Variants in OR4K17 observed in about 807,000 individuals in gnomAD.
OR4K17 encodes the protein olfactory receptor 4K17.
For synonymous variants in OR4K17, 157 were observed against 132.8 expected, an observed-to-expected ratio of 1.18 and a Z score of -1.25; for missense variants, 480 against 366.3, an observed-to-expected ratio of 1.31 and a Z score of -2.53.
intron 1 of OR4K17, among the ~76,000 whole-genome samples, chr14:20,113,367 A>T (rs1314549244): frequency 6.6e-6 from 1 of 152,064 alleles, no homozygotes; most frequent in East Asian, 1.9e-4. Flanking sequence ...GCTAAAGTTC[A>T]GCCTTACTCT....
At chr14:20,113,789 C>T (rs1204572377) in intron 1 of OR4K17, among the ~76,000 whole-genome samples, 2 of 151,852 alleles carry the variant, frequency 1.3e-5, no homozygotes, top group Non-Finnish European at 2.9e-5. Flanking sequence ...CATTAATAGG[C>T]TGTGAATAGA....
chr14:20,113,467 G>A (rs1162345106), intron 1 of OR4K17, among the ~76,000 whole-genome samples: 2 of 151,954 alleles, frequency 1.3e-5, no homozygotes, highest in African/African-American at 4.8e-5. Flanking sequence ...TTAGTAGTAA[G>A]AATAGTAGCA....
At chr14:20,113,345 TG>T (rs1877921014) in intron 1 of OR4K17, among the ~76,000 whole-genome samples, 2 of 152,130 alleles carry the variant, frequency 1.3e-5, no homozygotes, top group East Asian at 3.9e-4. Flanking sequence ...TTCAAAAACT[TG>T]CAGTGATAAG....
chr14:20,118,666 C>T lies in OR4K17; in HGVS notation c.*228C>T, dbSNP rs556214929. On this transcript the variant is annotated 3_prime_UTR_variant, in exon 2 of 2. Coordinates refer to ENST00000641386, the MANE Select transcript of OR4K17 (RefSeq NM_001004715.5). ...ACATGTCAGCGGGTTCCGTGATGCC[C>T]CCCAAGCTGCAAAACCAGCAAGTTT... The T allele has an allele frequency of 8.7e-6, 3 of 345,452 alleles. No homozygotes were observed. Among genetic ancestry groups the T allele is most frequent in the Non-Finnish European group, 1.6e-5 (3 of 190,178 alleles). The allele number at this position is 345,452 out of a possible 1,614,324, so 21.4% of individuals were successfully genotyped here.
intron 1 of OR4K17, 160 bp from the exon 2 acceptor site, chr14:20,117,308 A>G (rs1348864778): frequency 8.7e-6 from 7 of 808,750 alleles, no homozygotes; most frequent in Non-Finnish European, 1.4e-5. Flanking sequence ...GACAGCTCAG[A>G]CTATACGTCT....
Position 20,121,256 on chromosome 14 carries a change from A to G in OR4K17, c.*2818A>G, listed in dbSNP as rs1271419773. 1 of 152,202 alleles carries G rather than the reference A, an allele frequency of 6.6e-6. No individual in the cohort carries two copies. The highest frequency in any genetic ancestry group is 1.5e-5 in the Non-Finnish European group (1 of 68,028). The allele number at this position is 152,202 out of a possible 1,614,324, so 9.4% of individuals were successfully genotyped here. Reference sequence around the variant, plus strand: ...TTTTCCAGTATCTGTCTCCAAAGAAACAGAGACCTATGAACTCCCAGACAA... The same window carrying G: ...TTTTCCAGTATCTGTCTCCAAAGAAGCAGAGACCTATGAACTCCCAGACAA... On this transcript the variant is annotated 3_prime_UTR_variant, in exon 2 of 2. Coordinates refer to ENST00000641386, the MANE Select transcript of OR4K17 (RefSeq NM_001004715.5).
At chr14:20,113,390 C>G (rs927907567) in intron 1 of OR4K17, among the ~76,000 whole-genome samples, 1 of 151,704 alleles carries the variant, frequency 6.6e-6, no homozygotes, top group East Asian at 1.9e-4. Context: ...GGTCATGGAC[C>G]CTTAATTTGG....
In OR4K17 at chr14:20,117,875, A is replaced by T. The variant is rs776296838; in HGVS notation, c.376A>T (p.Ile126Phe). 1 of 1,614,018 alleles carries T rather than the reference A, an allele frequency of 6.2e-7. No individual in the cohort carries two copies. The highest frequency in any genetic ancestry group is 1.1e-5 in the South Asian group (1 of 91,070). ...CATGGCTTTTGACAGATATGTGGCC[A>T]TTTGTAAGCCCCTACACTACATGAC... is the stretch of plus-strand genomic sequence containing the variant. ...VSMAFDRYVAICKPLHYMTIM... is the reference protein window; with the variant it reads ...VSMAFDRYVAFCKPLHYMTIM... Residue 126 changes from isoleucine (I) to phenylalanine (F), a missense_variant, in exon 2 of 2, where the codon ATT becomes TTT. By Grantham distance (21) the Ile-to-Phe change is conservative (BLOSUM62 0). Transcript: ENST00000641386.
chr14:20,117,784 T>C lies in OR4K17; in HGVS notation c.285T>C (p.Ala95=). Residue 95 remains alanine, a synonymous_variant, in exon 2 of 2, where the codon GCT becomes GCC. Coordinates refer to ENST00000641386, the MANE Select transcript of OR4K17 (RefSeq NM_001004715.5). ...AAAAGCAGAAGGTAATTTCTTTTGCTGGGTGCTTCACTCAGATATTTCTCC... is the reference window on the plus strand; with the variant it reads ...AAAAGCAGAAGGTAATTTCTTTTGCCGGGTGCTTCACTCAGATATTTCTCC... ...LLKKQKVISF[A]GCFTQIFLLH... The C allele has an allele frequency of 6.2e-7, 1 of 1,614,152 alleles. No homozygotes were observed. The highest frequency in any genetic ancestry group is 8.5e-7 in the Non-Finnish European group (1 of 1,180,014).
At position 20,118,467 on chromosome 14, in the gene OR4K17, A is replaced by G. The variant is rs1274948874; in HGVS notation, c.*29A>G. 7 of 1,317,100 alleles carry G rather than the reference A, an allele frequency of 5.3e-6. No individual in the cohort carries two copies. Among genetic ancestry groups the G allele is most frequent in the Non-Finnish European group, 7.4e-6 (7 of 946,446 alleles). 81.6% of individuals were successfully genotyped at this position (1,317,100 alleles called of 1,614,324 possible). A position where few individuals can be genotyped will look rare whatever the true frequency, so the allele number is the denominator to read the frequency against. On this transcript the variant is annotated 3_prime_UTR_variant, in exon 2 of 2. Coordinates refer to ENST00000641386, the MANE Select transcript of OR4K17 (RefSeq NM_001004715.5). ...AAAAATATAATGGTAGAGGCCGGGCATGGTGGCTGATGCCTGTAATCCCCA... is the reference window on the plus strand; with the variant it reads ...AAAAATATAATGGTAGAGGCCGGGCGTGGTGGCTGATGCCTGTAATCCCCA...
intron 1 of OR4K17, among the ~76,000 whole-genome samples, chr14:20,115,293 A>T (rs1256539522): frequency 6.6e-6 from 1 of 152,128 alleles, no homozygotes; most frequent in Non-Finnish European, 1.5e-5. Context: ...GACTAGACAC[A>T]TCACCATAGC....
intron 1 of OR4K17, among the ~76,000 whole-genome samples, chr14:20,113,842 A>G (rs1195349360): frequency 1.4e-5 from 2 of 146,822 alleles, no homozygotes; most frequent in African/African-American, 5.2e-5. Flanking sequence ...GAACATAAAT[A>G]TAAACAAGAG....
Position 20,119,224 on chromosome 14 carries a change from G to C in OR4K17, c.*786G>C, listed in dbSNP as rs1057146100. Reference sequence around the variant, plus strand: ...GTTCCCTGAACATCGCTGTTATCCTGTTCTTTTTTCAAAGTGCCCAGATTT... The same window carrying C: ...GTTCCCTGAACATCGCTGTTATCCTCTTCTTTTTTCAAAGTGCCCAGATTT... On this transcript the variant is annotated 3_prime_UTR_variant, in exon 2 of 2. Transcript: ENST00000641386. 2 of 152,144 alleles carry C rather than the reference G, an allele frequency of 1.3e-5. No individual in the cohort carries two copies. The highest frequency in any genetic ancestry group is 4.8e-5 in the African/African-American group (2 of 41,432). 9.4% of individuals were successfully genotyped at this position (152,144 alleles called of 1,614,324 possible).
chr14:20,117,400 T>C, intron 1 of OR4K17, 68 bp from the exon 2 acceptor site: 1 of 1,569,366 alleles, frequency 6.4e-7, no homozygotes, highest in South Asian at 1.2e-5. Flanking sequence ...TAAGTTTGGT[T>C]TTTCATATGG....
At position 20,118,371 on chromosome 14, in the gene OR4K17, A is replaced by T. The variant is rs771816539; in HGVS notation, c.872A>T (p.Asn291Ile). The T allele has an allele frequency of 1.2e-6, 2 of 1,610,824 alleles. No individual in the cohort carries two copies. Among genetic ancestry groups the T allele is most frequent in the Admixed American group, 3.3e-5 (2 of 59,818 alleles). ...ILNPIIYTLR[N>I]KEMKISMKKL... ...AATCCAATTATCTATACTCTGAGAAACAAAGAAATGAAGATATCCATGAAA... is the reference window on the plus strand; with the variant it reads ...AATCCAATTATCTATACTCTGAGAATCAAAGAAATGAAGATATCCATGAAA... The change falls in exon 2 of 2, where the codon AAC becomes ATC. Residue 291 changes from asparagine (N) to isoleucine (I), a missense_variant. Coordinates refer to ENST00000641386, the MANE Select transcript of OR4K17 (RefSeq NM_001004715.5).
intron 1 of OR4K17, among the ~76,000 whole-genome samples, chr14:20,115,357 T>C (rs1267178646): frequency 2.6e-5 from 4 of 152,110 alleles, no homozygotes; most frequent in Non-Finnish European, 5.9e-5. Context: ...TTAAGAAATA[T>C]ATAAATTTTG....
Position 20,119,348 on chromosome 14 carries a change from A to T in OR4K17, c.*910A>T, listed in dbSNP as rs1264293049. 3.3e-5 allele frequency: 5 copies of T among 152,334 alleles called. No individual in the cohort carries two copies. The highest frequency in any genetic ancestry group is 1.3e-4 in the Admixed American group (2 of 15,300). 9.4% of individuals were successfully genotyped at this position (152,334 alleles called of 1,614,324 possible). A position where few individuals can be genotyped will look rare whatever the true frequency, so the allele number is the denominator to read the frequency against. On this transcript the variant is annotated 3_prime_UTR_variant, in exon 2 of 2. Coordinates refer to ENST00000641386, the MANE Select transcript of OR4K17 (RefSeq NM_001004715.5). Reference sequence around the variant, plus strand: ...CATACATCCTCAGCTTAAGAAGATGATGGGATTAAGAGATTAAAGTAAAGA... The same window carrying T: ...CATACATCCTCAGCTTAAGAAGATGTTGGGATTAAGAGATTAAAGTAAAGA...
rs778348253 is a variant in OR4K17 at position 20,117,847 on chromosome 14, C to T, written c.348C>T (p.Val116=). 10 of 1,613,924 alleles carry T rather than the reference C, an allele frequency of 6.2e-6. No homozygotes were observed. The highest frequency in any genetic ancestry group is 8.5e-6 in the Non-Finnish European group (10 of 1,180,004). The stretch of plus-strand genomic sequence containing the variant: ...GTGGGGTTGAAATGGTACTGTTGGT[C>T]TCCATGGCTTTTGACAGATATGTGG... The part of the protein sequence containing the change: ...LLGGVEMVLL[V]SMAFDRYVAI... Residue 116 remains valine (V), a synonymous_variant, in exon 2 of 2, where the codon GTC becomes GTT. Transcript: ENST00000641386.
chr14:20,111,074 C>A (rs897820121), intron 1 of OR4K17, among the ~76,000 whole-genome samples, 182 bp downstream of exon 1: 2 of 151,924 alleles, frequency 1.3e-5, no homozygotes, highest in Non-Finnish European at 2.9e-5. Context: ...CTCAGACTTA[C>A]GAAGACTAAA....
Sources: gnomAD v4.1 joint callset for allele counts (sites outside exome capture counted in the v4.1 genomes callset) on GRCh38, gnomAD v4.1.1 for gene constraint, MANE v1.5 for transcripts, NCBI Gene and HGNC (gene_info 2026-07-23, HGNC 2026-07-21) for gene names.